The following CRYBG1 variants were observed in gnomAD, a reference collection of about 807,000 sequenced individuals.
CRYBG1 encodes beta/gamma crystallin domain-containing protein 1.
A neutral mutation model predicts 189.2 loss-of-function variants in CRYBG1; 139 were observed. The ratio of observed to expected loss-of-function variants is 0.73; its 90% CI spans 0.64 to 0.85. The LOEUF (loss-of-function observed/expected upper bound fraction) is 0.85, where lower values mean the gene tolerates loss of function less well. Ranked by LOEUF, CRYBG1 falls within the 40% of genes least tolerant of loss-of-function variation. The probability of loss-of-function intolerance (pLI) is 0.00; values close to 1 mark genes in which losing one functional copy is unlikely to be tolerated. For missense variants in CRYBG1, 2,611 were observed against 2,675.8 expected (o/e 0.98, Z 0.53); for synonymous variants, 1,023 against 1,017.1 (o/e 1.01, Z -0.11).
chr6:106,513,157 T>A, intron 3 of CRYBG1, 118 bp downstream of exon 3: 1 of 1,268,852 alleles, frequency 7.9e-7, no homozygotes, highest in Non-Finnish European at 1.1e-6. Context: ...AACTTTCCCC[T>A]CCATGCTGAA....
rs1773259666 is a variant in CRYBG1, at chr6:106,511,658, A to G, written c.541A>G (p.Ser181Gly). ...QSSQLKQTDT[S>G]EEGSPRENPR... is the part of the protein sequence containing the mutation. ...CAGCCAACTGAAGCAAACGGACACA[A>G]GCGAGGAGGGCTCCCCGCGGGAGAA... Residue 181 changes from serine (S) to glycine (G), a missense_variant, in exon 3 of 22, where the codon AGC (serine) becomes GGC (glycine). Coordinates refer to ENST00000633556, the MANE Select transcript of CRYBG1 (RefSeq NM_001371242.2). The G allele has an allele frequency of 2.6e-6, 4 of 1,535,606 alleles. No individual in the cohort carries two copies. The African/African-American group carries it at 4.1e-5, about 16-fold the overall frequency.
intron 8 of CRYBG1, among the ~76,000 whole-genome samples, chr6:106,535,181 C>G (rs1356615823): frequency 6.6e-6 from 1 of 152,176 alleles, no homozygotes; most frequent in African/African-American, 2.4e-5. Flanking sequence ...ACCAACATTG[C>G]TGCCCACCGT....
Position 106,371,131 on chromosome 6 carries a change from C to T in CRYBG1, c.173+10050C>T, listed in dbSNP as rs147099041. On this transcript the variant is annotated intron_variant, in intron 1 of 21. Coordinates refer to ENST00000633556, the MANE Select transcript of CRYBG1 (RefSeq NM_001371242.2). ...CTATCAGTATGATATTGTACCTATG[C>T]AAGAACTCCCTTTACAAGGCTTGAA... 1.5e-3 allele frequency among the ~76,000 whole-genome samples: 224 copies of T among 152,286 alleles called. 1 individual carries two copies. Among genetic ancestry groups the T allele is most frequent in the African/African-American group, 5.3e-3 (220 of 41,566 alleles).
At chr6:106,566,462 G>GTTT (rs1312190668) in intron 21 of CRYBG1, among the ~76,000 whole-genome samples, 1 of 90,974 alleles carries the variant, frequency 1.1e-5, no homozygotes, top group African/African-American at 4.6e-5. Context: ...AGCAACAACA[G>GTTT]TCTTTTTTTT....
In CRYBG1 at chr6:106,560,849, T is replaced by C. The variant is rs756817026; in HGVS notation, c.5902T>C (p.Leu1968=). 1.9e-5 allele frequency: 31 copies of C among 1,613,488 alleles called. No individual in the cohort carries two copies. The highest frequency in any genetic ancestry group is 9.9e-5 in the South Asian group (9 of 90,970). Residue 1968 remains leucine (L), a synonymous_variant, in exon 19 of 22, where the codon TTG becomes CTG. Transcript: ENST00000633556. ...YGSYRGRQFL[L]SPAEVPNWYE... is the part of the protein sequence containing the mutation. ...CAGTTACAGAGGGCGACAGTTCCTA[T>C]TGTCACCTGCAGAAGTACCTAATTG...
intron 2 of CRYBG1, among the ~76,000 whole-genome samples, chr6:106,480,652 G>A (rs1772430216): frequency 6.7e-6 from 1 of 149,184 alleles, no homozygotes; most frequent in African/African-American, 2.5e-5. Flanking sequence ...GGGTGACAGA[G>A]CAAGACTCCA....
chr6:106,492,133 A>G (rs967353862), intron 2 of CRYBG1, among the ~76,000 whole-genome samples: 1 of 152,180 alleles, frequency 6.6e-6, no homozygotes, highest in African/African-American at 2.4e-5. Context: ...TTAAAGCATT[A>G]CGCATATCTC....
rs3747787 is a variant in CRYBG1, at chr6:106,519,903, T to C, written c.2695T>C (p.Cys899Arg). 376,885 of 1,614,036 alleles carry C rather than the reference T, an allele frequency of 0.23. 45,616 individuals carry two copies. The highest frequency in any genetic ancestry group is 0.25 in the Non-Finnish European group (299,417 of 1,179,996). The change falls in exon 4 of 22, where the codon TGC (cysteine) becomes CGC (arginine). Residue 899 changes from cysteine to arginine, a missense_variant. Physicochemically the swap from Cys to Arg is radical, Grantham distance 180 (BLOSUM62 -3). Around this residue, in one of 3 missense-constraint regions of CRYBG1, gnomAD observed 1,622 missense variants for 1,735.0 expected, o/e 0.93. Coordinates refer to ENST00000633556, the MANE Select transcript of CRYBG1 (RefSeq NM_001371242.2). ...TCAATCACCCATAAGCAGTTTCCCA[T>C]GCACTGATCTAAAAGTGTCAGAAAA... ...CVQSPISSFP[C>R]TDLKVSENHK...
intron 1 of CRYBG1, among the ~76,000 whole-genome samples, chr6:106,419,068 TACACATGGTTG>T (rs1222145466): frequency 6.6e-6 from 1 of 152,214 alleles, no homozygotes; most frequent in Non-Finnish European, 1.5e-5. Context: ...CCCCTTACTG[TACACATGGTTG>T]ACAAAGAAAA....
chr6:106,421,444 GT>G (rs1771121475), intron 1 of CRYBG1, among the ~76,000 whole-genome samples: 1 of 152,122 alleles, frequency 6.6e-6, no homozygotes, highest in South Asian at 2.1e-4. Context: ...AAACCATAGT[GT>G]TTTATATATG....
intron 19 of CRYBG1, 64 bp downstream of exon 19, chr6:106,560,990 C>A: frequency 6.8e-7 from 1 of 1,466,016 alleles, no homozygotes. Flanking sequence ...AAATGCAATC[C>A]AACTTTTTAT....
At chr6:106,526,765 A>C (rs1773746361) in intron 6 of CRYBG1, among the ~76,000 whole-genome samples, 1 of 151,850 alleles carries the variant, frequency 6.6e-6, no homozygotes, top group African/African-American at 2.4e-5. Flanking sequence ...ACATGGGGAA[A>C]CTCAGTCTCT....
chr6:106,557,607 ATTTTT>A (rs1362450893), intron 17 of CRYBG1, among the ~76,000 whole-genome samples: 1 of 151,548 alleles, frequency 6.6e-6, no homozygotes, highest in African/African-American at 2.4e-5. Flanking sequence ...TTGTTTTTGT[ATTTTT>A]AATAGAGATG....
At chr6:106,482,581 C>A (rs1772490928) in intron 2 of CRYBG1, among the ~76,000 whole-genome samples, 2 of 152,084 alleles carry the variant, frequency 1.3e-5, no homozygotes, top group Admixed American at 6.5e-5. Context: ...CGAGACCATC[C>A]TGGCTAACAC....
intron 6 of CRYBG1, 89 bp from the exon 7 acceptor site, chr6:106,527,216 A>G (rs765228766): frequency 7.9e-5 from 84 of 1,063,858 alleles, no homozygotes; most frequent in Non-Finnish European, 9.5e-5. Flanking sequence ...CTATATATAT[A>G]TATAAAATGG....
chr6:106,520,882 G>A lies in CRYBG1; in HGVS notation c.3674G>A (p.Arg1225Lys), dbSNP rs545257394. ...CCGGAAATCAATGACAAAGAGAACA[G>A]GGACGTCACAAATGGTGGCATTAAG... ...VMPEINDKENRDVTNGGIKRS... is the reference protein window; with the variant it reads ...VMPEINDKENKDVTNGGIKRS... The change falls in exon 4 of 22, where the codon AGG becomes AAG. Residue 1225 changes from arginine to lysine, a missense_variant. Transcript: ENST00000633556. 1 of 1,614,108 alleles carries A rather than the reference G, an allele frequency of 6.2e-7. No homozygotes were observed. The highest frequency in any genetic ancestry group is 1.3e-5 in the African/African-American group (1 of 75,024).
At chr6:106,365,103 T>G (rs1275790445) in intron 1 of CRYBG1, among the ~76,000 whole-genome samples, 2 of 152,152 alleles carry the variant, frequency 1.3e-5, no homozygotes, top group Non-Finnish European at 1.5e-5. Flanking sequence ...GTTATTTTGG[T>G]TTTTTTAAAT....
intron 4 of CRYBG1, among the ~76,000 whole-genome samples, chr6:106,521,679 G>A (rs920238545): frequency 2.1e-5 from 3 of 143,006 alleles, no homozygotes; most frequent in African/African-American, 7.6e-5. Flanking sequence ...CTTGCAGGGA[G>A]ATAAAGCTAC....
chr6:106,517,762 A>G (rs946491500), intron 3 of CRYBG1, among the ~76,000 whole-genome samples: 5 of 152,204 alleles, frequency 3.3e-5, no homozygotes, highest in Admixed American at 3.3e-4. Context: ...GTTAGAGTCC[A>G]GAGAGGTAAA....
Sources: gnomAD v4.1 joint callset for allele counts (sites outside exome capture counted in the v4.1 genomes callset) on GRCh38, gnomAD v4.1.1 for gene constraint, gnomAD v4.1.1 regional missense constraint, MANE v1.5 for transcripts, NCBI Gene and HGNC (gene_info 2026-07-23, HGNC 2026-07-21) for gene names.